The following ZNF704 variants were observed in gnomAD, a reference collection of about 807,000 sequenced individuals.
ZNF704 encodes the protein glucocorticoid induced gene 1.
ZNF704 carries 10 observed loss-of-function variants against 44.7 expected under a neutral mutation model. The ratio of observed to expected loss-of-function variants is 0.22; its 90% CI spans 0.14 to 0.38. The LOEUF is 0.38. Ranked by LOEUF, ZNF704 falls within the 10% of genes least tolerant of loss-of-function variation. The pLI is 1.00. For synonymous variants in ZNF704, 211 were observed against 207.6 expected (o/e 1.02, Z -0.14); for missense variants, 390 against 545.5 (o/e 0.71, Z 2.84).
intron 1 of ZNF704, among the ~76,000 whole-genome samples, chr8:80,857,910 T>A (rs897701107): frequency 6.6e-6 from 1 of 152,108 alleles, no homozygotes; most frequent in Non-Finnish European, 1.5e-5. Context: ...TTTTTTCCCC[T>A]CAAATCATGG....
chr8:80,630,978 AT>A lies in ZNF704; in HGVS notation c.*10387del, dbSNP rs1029760329. The A allele has an allele frequency of 6.6e-6, 1 of 151,848 alleles. No homozygotes were observed. The highest frequency in any genetic ancestry group is 1.5e-5 in the Non-Finnish European group (1 of 67,970). The allele number at this position is 151,848 out of a possible 1,614,324, so 9.4% of individuals were successfully genotyped here. On this transcript the variant is annotated 3_prime_UTR_variant, in exon 9 of 9. Coordinates refer to ENST00000327835, the MANE Select transcript of ZNF704 (RefSeq NM_001033723.3). Reference sequence around the variant, plus strand: ...GTCATGGGACTAGTATGTTTTGGAGATTTTTTAGTTCTTCCCTAAAAAGCTA... The same window carrying A: ...GTCATGGGACTAGTATGTTTTGGAGATTTTTAGTTCTTCCCTAAAAAGCTA...
At position 80,687,384 on chromosome 8, in the gene ZNF704, T is replaced by C. The variant is rs1585953247; in HGVS notation, c.400A>G (p.Ser134Gly). 6.2e-7 allele frequency: 1 copy of C among 1,604,700 alleles called. No homozygotes were observed. The highest frequency in any genetic ancestry group is 8.5e-7 in the Non-Finnish European group (1 of 1,178,356). ...GGGTTGGACTGGTCGCTGGGGGCGC[T>C]CCAGCTCCAGTAGCCGCTGCTGCTG... ...STSSSGYWSW[S>G]APSDQSNPST... The change falls in exon 4 of 9, where the codon AGC (serine) becomes GGC (glycine). Residue 134 changes from serine to glycine, a missense_variant. Coordinates refer to ENST00000327835, the MANE Select transcript of ZNF704 (RefSeq NM_001033723.3).
rs1297880544 is a variant in ZNF704 at position 80,631,948 on chromosome 8, TA to T, written c.*9417del. 2.0e-5 allele frequency: 3 copies of T among 152,078 alleles called. No individual in the cohort carries two copies. Among genetic ancestry groups the T allele is most frequent in the Non-Finnish European group, 4.4e-5 (3 of 68,022 alleles). 9.4% of individuals were successfully genotyped at this position (152,078 alleles called of 1,614,324 possible). On this transcript the variant is annotated 3_prime_UTR_variant, in exon 9 of 9. Coordinates refer to ENST00000327835, the MANE Select transcript of ZNF704 (RefSeq NM_001033723.3). ...AGGGGCTTTGGAACTGAAAAAACAT[TA>T]ACAACAGCCTGGCCTCTAGCTCAGG...
At chr8:80,665,947 GTTCT>G (rs1026726934) in intron 5 of ZNF704, among the ~76,000 whole-genome samples, 5 of 145,748 alleles carry the variant, frequency 3.4e-5, no homozygotes, top group African/African-American at 1.1e-4. Flanking sequence ...GTCTCAGATA[GTTCT>G]TTATTTTTTA....
At chr8:80,860,760 C>T (rs1809046715) in intron 1 of ZNF704, among the ~76,000 whole-genome samples, 1 of 152,198 alleles carries the variant, frequency 6.6e-6, no homozygotes, top group Non-Finnish European at 1.5e-5. Flanking sequence ...CTTGGGGCAA[C>T]TCCAAATTAT....
At chr8:80,838,791 G>A (rs1322292672) in intron 1 of ZNF704, among the ~76,000 whole-genome samples, 1 of 150,690 alleles carries the variant, frequency 6.6e-6, no homozygotes, top group Non-Finnish European at 1.5e-5. Flanking sequence ...CAGCGGCAGG[G>A]AGCAGACCCT....
intron 1 of ZNF704, among the ~76,000 whole-genome samples, chr8:80,859,309 C>T (rs1261924679): frequency 6.6e-6 from 1 of 152,164 alleles, no homozygotes; most frequent in Non-Finnish European, 1.5e-5. Context: ...AAAGCCACTA[C>T]TTTGTGTTGA....
At chr8:80,810,870 T>C (rs749944321) in intron 2 of ZNF704, among the ~76,000 whole-genome samples, 10 of 152,314 alleles carry the variant, frequency 6.6e-5, no homozygotes, top group African/African-American at 2.4e-4. Context: ...TGGCCCACAG[T>C]TGATGAAACG....
chr8:80,831,876 C>G (rs2129929263), intron 1 of ZNF704, among the ~76,000 whole-genome samples: 1 of 152,284 alleles, frequency 6.6e-6, no homozygotes, highest in East Asian at 1.9e-4. Flanking sequence ...ATTTCCCCCA[C>G]ATTAGGATTG....
intron 2 of ZNF704, among the ~76,000 whole-genome samples, chr8:80,709,913 A>C (rs1471923850): frequency 6.6e-6 from 1 of 152,180 alleles, no homozygotes; most frequent in East Asian, 1.9e-4. Flanking sequence ...GTGTACTTCC[A>C]TCCCCTCCAC....
intron 7 of ZNF704, chr8:80,645,283 T>C: frequency 8.8e-7 from 1 of 1,131,608 alleles, no homozygotes; most frequent in Non-Finnish European, 1.3e-6. Flanking sequence ...ATTTAATAAA[T>C]TTAAAAACCT....
chr8:80,658,885 C>T (rs535037101), intron 7 of ZNF704: 17 of 152,296 alleles, frequency 1.1e-4, no homozygotes, highest in African/African-American at 4.1e-4. Flanking sequence ...TATCATAAGC[C>T]ACTTCCTGAA....
At chr8:80,721,727 A>G (rs1345773934) in intron 2 of ZNF704, among the ~76,000 whole-genome samples, 1 of 152,226 alleles carries the variant, frequency 6.6e-6, no homozygotes, top group Non-Finnish European at 1.5e-5. Context: ...CATAGTTTAT[A>G]AAACTGTTAC....
rs1349111821 is a variant in ZNF704 at position 80,637,947 on chromosome 8, C to A, written c.*3419G>T. The A allele has an allele frequency of 6.6e-6, 1 of 152,352 alleles. No homozygotes were observed. The highest frequency in any genetic ancestry group is 1.9e-4 in the East Asian group (1 of 5,200). 9.4% of individuals were successfully genotyped at this position (152,352 alleles called of 1,614,324 possible). A position where few individuals can be genotyped will look rare whatever the true frequency, so the allele number is the denominator to read the frequency against. The stretch of plus-strand genomic sequence containing the variant: ...GGTACTTCCCTTCAGGTCATTCTCT[C>A]CTTGCTTCAGGCAGCTGCTCCCAGA... On this transcript the variant is annotated 3_prime_UTR_variant, in exon 9 of 9. Transcript: ENST00000327835.
At chr8:80,854,684 T>C (rs928868698) in intron 1 of ZNF704, among the ~76,000 whole-genome samples, 2 of 151,900 alleles carry the variant, frequency 1.3e-5, no homozygotes, top group African/African-American at 4.8e-5. Context: ...AAAAGAGGGG[T>C]GGGAGCAGGA....
intron 1 of ZNF704, among the ~76,000 whole-genome samples, chr8:80,865,561 A>G (rs1333479836): frequency 6.6e-6 from 1 of 152,248 alleles, no homozygotes; most frequent in African/African-American, 2.4e-5. Flanking sequence ...CAGGGTATAC[A>G]ACCTTTTAAA....
At position 80,741,452 on chromosome 8, in the gene ZNF704, T is replaced by C. The variant is rs982744234; in HGVS notation, c.222-48345A>G. Among the ~76,000 whole-genome samples the C allele has an allele frequency of 3.3e-5, 5 of 152,306 alleles. No individual in the cohort carries two copies. In the South Asian group the frequency reaches 8.3e-4, roughly 25 times the overall value. ...ATGTAGTGGCAAAGGGTTGGCCTCA[T>C]TGTTTACAGGTAGTGGCAGCAGTAG... On this transcript the variant is annotated intron_variant, in intron 2 of 8. Transcript: ENST00000327835.
the ZNF704 span, among the ~76,000 whole-genome samples, chr8:80,880,490 TA>T: frequency 6.6e-6 from 1 of 152,234 alleles, no homozygotes. Flanking sequence ...ATAACCCCTG[TA>T]ATTGTTTTTG....
intron 2 of ZNF704, among the ~76,000 whole-genome samples, chr8:80,772,681 G>C (rs1391938666): frequency 6.6e-6 from 1 of 152,036 alleles, no homozygotes; most frequent in Non-Finnish European, 1.5e-5. Context: ...ATGCGATTTG[G>C]GTGGGGACAC....
Sources: gnomAD v4.1 joint callset for allele counts (sites outside exome capture counted in the v4.1 genomes callset) on GRCh38, gnomAD v4.1.1 for gene constraint, MANE v1.5 for transcripts, NCBI Gene and HGNC (gene_info 2026-07-23, HGNC 2026-07-21) for gene names.